Variants in GALNTL6 observed in about 807,000 individuals in gnomAD.
The protein encoded by GALNTL6 is polypeptide N-acetylgalactosaminyltransferase like 6, also known as polypeptide N-acetylgalactosaminyltransferase-like 6.
In GALNTL6, 46 loss-of-function variants were observed where a neutral mutation model predicts 73.7. The ratio of observed to expected loss-of-function variants is 0.62; its 90% CI spans 0.49 to 0.80. The LOEUF (loss-of-function observed/expected upper bound fraction) is 0.80. Ranked by LOEUF, GALNTL6 falls within the 30% of genes least tolerant of loss-of-function variation. The pLI is 0.00. For synonymous variants in GALNTL6, 259 were observed against 263.7 expected (o/e 0.98, Z 0.17); for missense variants, 604 against 755.0 (o/e 0.80, Z 2.34).
At chr4:172,010,771 G>A (rs916201145) in intron 2 of GALNTL6, among the ~76,000 whole-genome samples, 1 of 151,984 alleles carries the variant, frequency 6.6e-6, no homozygotes, top group East Asian at 1.9e-4. Context: ...TAATCAAAGA[G>A]ATGAAATTTA....
intron 2 of GALNTL6, among the ~76,000 whole-genome samples, chr4:171,869,371 A>C (rs1343529190): frequency 6.6e-6 from 1 of 152,198 alleles, no homozygotes; most frequent in East Asian, 1.9e-4. Context: ...TTTATTTCTT[A>C]CAAATGTCTC....
At chr4:172,874,631 T>G (rs540655721) in intron 7 of GALNTL6, among the ~76,000 whole-genome samples, 13 of 152,102 alleles carry the variant, frequency 8.5e-5, no homozygotes, top group Non-Finnish European at 1.6e-4. Context: ...TCCATTTACA[T>G]GTATCGTTAG....
chr4:172,475,306 G>T (rs1733191241), intron 5 of GALNTL6, among the ~76,000 whole-genome samples: 1 of 151,974 alleles, frequency 6.6e-6, no homozygotes, highest in African/African-American at 2.4e-5. Flanking sequence ...TACTTTATGT[G>T]TTATGATTCA....
intron 2 of GALNTL6, among the ~76,000 whole-genome samples, chr4:171,956,449 G>C (rs1196888249): frequency 1.3e-5 from 2 of 152,010 alleles, no homozygotes; most frequent in Admixed American, 6.6e-5. Flanking sequence ...TATATGACAG[G>C]GTTGATAAAA....
chr4:172,673,589 T>C (rs1351642716), intron 5 of GALNTL6, among the ~76,000 whole-genome samples: 1 of 152,192 alleles, frequency 6.6e-6, no homozygotes, highest in Non-Finnish European at 1.5e-5. Context: ...TCTCCCACTA[T>C]TATTGTGTGG....
intron 2 of GALNTL6, among the ~76,000 whole-genome samples, chr4:172,099,947 T>C (rs780325339): frequency 2.6e-5 from 4 of 152,060 alleles, no homozygotes; most frequent in Non-Finnish European, 5.9e-5. Context: ...CAAATACTAC[T>C]ACCACCACTG....
intron 2 of GALNTL6, among the ~76,000 whole-genome samples, chr4:172,009,402 T>C (rs934194164): frequency 6.6e-6 from 1 of 152,080 alleles, no homozygotes; most frequent in African/African-American, 2.4e-5. Flanking sequence ...ATTTAGGTAA[T>C]GAAGATTTTC....
chr4:172,186,603 A>G (rs746959649), intron 2 of GALNTL6, among the ~76,000 whole-genome samples: 4 of 152,138 alleles, frequency 2.6e-5, no homozygotes, highest in Non-Finnish European at 5.9e-5. Flanking sequence ...GTACAGATAC[A>G]TGCTACAATG....
intron 2 of GALNTL6, among the ~76,000 whole-genome samples, chr4:171,994,232 G>C (rs1457971548): frequency 6.6e-6 from 1 of 152,104 alleles, no homozygotes. Flanking sequence ...CACCCAGACT[G>C]TTGGAGCGGC....
chr4:172,711,313 GTA>G (rs2111325531), intron 5 of GALNTL6, among the ~76,000 whole-genome samples: 1 of 152,254 alleles, frequency 6.6e-6, no homozygotes, highest in Non-Finnish European at 1.5e-5. Flanking sequence ...TTCTGTAAAC[GTA>G]TAGAGATTAC....
chr4:172,705,996 T>G (rs894597250), intron 5 of GALNTL6, among the ~76,000 whole-genome samples: 2 of 152,106 alleles, frequency 1.3e-5, no homozygotes, highest in East Asian at 1.9e-4. Context: ...TTACTATACC[T>G]GGATATTTAT....
intron 7 of GALNTL6, among the ~76,000 whole-genome samples, chr4:172,850,985 T>C (rs1282076071): frequency 6.6e-6 from 1 of 152,078 alleles, no homozygotes; most frequent in Non-Finnish European, 1.5e-5. Flanking sequence ...TGAAACCACA[T>C]GGTTCAGGAT....
chr4:172,375,437 A>G (rs1053333495), intron 5 of GALNTL6, among the ~76,000 whole-genome samples: 18 of 152,174 alleles, frequency 1.2e-4, no homozygotes, highest in Non-Finnish European at 2.6e-4. Flanking sequence ...TTCAAGGGTG[A>G]GCCTCTTGAT....
intron 10 of GALNTL6, among the ~76,000 whole-genome samples, chr4:172,980,402 C>G (rs549834140): frequency 6.6e-6 from 1 of 152,274 alleles, no homozygotes; most frequent in South Asian, 2.1e-4. Context: ...ATCATCACAG[C>G]CTGAAACTCT....
intron 4 of GALNTL6, among the ~76,000 whole-genome samples, chr4:172,328,444 G>T (rs1216374656): frequency 2.0e-5 from 3 of 152,118 alleles, no homozygotes; most frequent in Non-Finnish European, 1.5e-5. Context: ...CCTCTAGTAA[G>T]ATTCTGGAAG....
chr4:172,215,283 T>A (rs1342800208), intron 2 of GALNTL6, among the ~76,000 whole-genome samples: 1 of 152,172 alleles, frequency 6.6e-6, no homozygotes, highest in Non-Finnish European at 1.5e-5. Context: ...ACAGTATGGT[T>A]CAGGTCAACT....
At chr4:172,288,344 G>T (rs1268491606) in intron 3 of GALNTL6, among the ~76,000 whole-genome samples, 1 of 151,982 alleles carries the variant, frequency 6.6e-6, no homozygotes, top group Non-Finnish European at 1.5e-5. Flanking sequence ...GCCTGCCTCG[G>T]CCTCCCAAAG....
At position 173,021,528 on chromosome 4, in the gene GALNTL6, C is replaced by T. The variant is rs1431069773; in HGVS notation, c.1541C>T (p.Thr514Ile). The change falls in exon 12 of 13, where the codon ACC becomes ATC. Residue 514 changes from threonine to isoleucine, a missense_variant. Thr to Ile is a moderately conservative substitution (Grantham distance 89). Around this residue, in one of 5 missense-constraint regions of GALNTL6, gnomAD observed 261 missense variants for 296.5 expected, o/e 0.88. Coordinates refer to ENST00000506823, the MANE Select transcript of GALNTL6 (RefSeq NM_001034845.3). ...EDIRPGEPLHTRKFCFDAISH... is the reference protein window; with the variant it reads ...EDIRPGEPLHIRKFCFDAISH... ...ATTCGACCCGGTGAGCCACTGCATA[C>T]CCGGAAATTCTGCTTTGATGCGATC... 1.2e-6 allele frequency: 2 copies of T among 1,613,996 alleles called. No individual in the cohort carries two copies. The highest frequency in any genetic ancestry group is 8.5e-7 in the Non-Finnish European group (1 of 1,179,864).
At chr4:172,737,071 A>C (rs1388775708) in intron 5 of GALNTL6, among the ~76,000 whole-genome samples, 2 of 152,210 alleles carry the variant, frequency 1.3e-5, no homozygotes, top group African/African-American at 2.4e-5. Flanking sequence ...ATCAGTATAA[A>C]AAAGGACTAA....
Sources: allele counts gnomAD v4.1 joint callset (sites outside exome capture counted in the v4.1 genomes callset), GRCh38; gene constraint gnomAD v4.1.1; regional missense constraint gnomAD v4.1.1; transcripts MANE v1.5; gene names NCBI Gene and HGNC (gene_info 2026-07-23, HGNC 2026-07-21).